Variants in KCNIP4 observed in about 807,000 individuals in gnomAD.
KCNIP4 encodes potassium voltage-gated channel interacting protein 4.
A neutral mutation model predicts 34.0 loss-of-function variants in KCNIP4; 12 were observed. The ratio of observed to expected loss-of-function variants is 0.35; its 90% CI spans 0.23 to 0.57. The LOEUF (loss-of-function observed/expected upper bound fraction) is 0.57, where lower values mean the gene tolerates loss of function less well. Among genes scored for constraint, KCNIP4 ranks in the 20% least tolerant of loss-of-function variants. The pLI, the probability that KCNIP4 is intolerant of heterozygous loss-of-function variation, is 0.83. For missense variants in KCNIP4, 238 were observed against 311.7 expected (o/e 0.76, Z 1.78); for synonymous variants, 124 against 102.2 (o/e 1.21, Z -1.29).
intron 1 of KCNIP4, among the ~76,000 whole-genome samples, chr4:21,556,252 A>G (rs1738996899): frequency 6.6e-6 from 1 of 152,116 alleles, no homozygotes; most frequent in South Asian, 2.1e-4. Context: ...CCATTTTTAA[A>G]TATGGTTCTG....
chr4:20,982,622 A>G (rs1736173676), intron 1 of KCNIP4, among the ~76,000 whole-genome samples: 1 of 152,248 alleles, frequency 6.6e-6, no homozygotes, highest in South Asian at 2.1e-4. Context: ...ATGTTCTTAT[A>G]TTGTCTAAAC....
chr4:21,774,529 G>A (rs1340421024), intron 1 of KCNIP4, among the ~76,000 whole-genome samples: 2 of 152,210 alleles, frequency 1.3e-5, no homozygotes, highest in African/African-American at 2.4e-5. Flanking sequence ...CCTGAAATGC[G>A]TTTTCCAGCT....
intron 5 of KCNIP4, among the ~76,000 whole-genome samples, chr4:20,742,862 C>T (rs541852992): frequency 5.9e-5 from 9 of 152,222 alleles, no homozygotes; most frequent in Admixed American, 1.3e-4. Context: ...GCAACTTAAG[C>T]GAAGTCTCAG....
At chr4:21,188,593 G>A (rs1755410074) in intron 1 of KCNIP4, among the ~76,000 whole-genome samples, 1 of 152,134 alleles carries the variant, frequency 6.6e-6, no homozygotes, top group African/African-American at 2.4e-5. Flanking sequence ...CATACGTTGT[G>A]TAAAAACTAC....
chr4:21,716,228 C>CT (rs566960899), intron 1 of KCNIP4, among the ~76,000 whole-genome samples: 3 of 152,052 alleles, frequency 2.0e-5, no homozygotes, highest in Admixed American at 6.6e-5. Context: ...ACATAATAGT[C>CT]TTTTTTTAAT....
At chr4:21,093,888 C>T (rs1747225581) in intron 1 of KCNIP4, among the ~76,000 whole-genome samples, 1 of 152,068 alleles carries the variant, frequency 6.6e-6, no homozygotes, top group African/African-American at 2.4e-5. Context: ...CGAGACCATC[C>T]TGACTAACAC....
chr4:21,323,144 G>GTATATATATATATATA (rs747961833), intron 1 of KCNIP4, among the ~76,000 whole-genome samples: 130 of 77,864 alleles, frequency 1.7e-3, no homozygotes, highest in Middle Eastern at 8.1e-3. Context: ...TCTTTTGTAA[G>GTATATATATATATATA]TATATATATA....
chr4:20,972,305 A>G (rs1323910719), intron 1 of KCNIP4, among the ~76,000 whole-genome samples: 1 of 152,234 alleles, frequency 6.6e-6, no homozygotes, highest in African/African-American at 2.4e-5. Flanking sequence ...GTCTAGATCT[A>G]TCACAGGAAT....
intron 3 of KCNIP4, among the ~76,000 whole-genome samples, chr4:20,759,479 A>G (rs994884796): frequency 5.3e-5 from 8 of 152,114 alleles, no homozygotes; most frequent in Admixed American, 1.3e-4. Flanking sequence ...CTGCAAAGAA[A>G]TGGCCTGGCC....
chr4:20,742,054 C>A (rs900549939), intron 5 of KCNIP4, among the ~76,000 whole-genome samples: 9 of 152,118 alleles, frequency 5.9e-5, no homozygotes, highest in Non-Finnish European at 1.0e-4. Context: ...CAATAACAGG[C>A]TCTGAAATTG....
chr4:20,996,714 C>T (rs186925483), intron 1 of KCNIP4, among the ~76,000 whole-genome samples: 37 of 152,188 alleles, frequency 2.4e-4, no homozygotes, highest in African/African-American at 8.7e-4. Flanking sequence ...GATCAAATTG[C>T]TGTTTTTTTA....
chr4:21,850,085 A>G (rs1327648709), intron 1 of KCNIP4: 1 of 152,102 alleles, frequency 6.6e-6, no homozygotes, highest in African/African-American at 2.4e-5. Context: ...TGAGATAAAC[A>G]GCAAAATCTA....
chr4:20,739,074 A>G (rs1192242535), intron 5 of KCNIP4, among the ~76,000 whole-genome samples: 2 of 152,218 alleles, frequency 1.3e-5, no homozygotes, highest in African/African-American at 4.8e-5. Context: ...TTGACTAGGT[A>G]AAGCAGCCAG....
intron 1 of KCNIP4, among the ~76,000 whole-genome samples, chr4:21,122,741 G>A (rs904411340): frequency 6.6e-6 from 1 of 152,048 alleles, no homozygotes; most frequent in Non-Finnish European, 1.5e-5. Flanking sequence ...GAGGACATAG[G>A]GCATACCCTC....
intron 1 of KCNIP4, among the ~76,000 whole-genome samples, chr4:21,007,760 T>A (rs1306319664): frequency 1.3e-5 from 2 of 152,182 alleles, no homozygotes; most frequent in African/African-American, 4.8e-5. Flanking sequence ...AAGCCCTGAT[T>A]TTGAACAGTC....
At chr4:21,025,924 C>G (rs935572770) in intron 1 of KCNIP4, among the ~76,000 whole-genome samples, 10 of 152,032 alleles carry the variant, frequency 6.6e-5, no homozygotes, top group African/African-American at 1.9e-4. Flanking sequence ...GTATGCCAGG[C>G]CTAGATTAGG....
At chr4:21,109,506 C>G (rs933417425) in intron 1 of KCNIP4, among the ~76,000 whole-genome samples, 2 of 151,808 alleles carry the variant, frequency 1.3e-5, no homozygotes, top group Non-Finnish European at 2.9e-5. Flanking sequence ...CCGTCTGTCA[C>G]CCCTTTCTTT....
chr4:21,810,686 T>C (rs1488500784), intron 1 of KCNIP4, among the ~76,000 whole-genome samples: 1 of 44,094 alleles, frequency 2.3e-5, no homozygotes, highest in Non-Finnish European at 3.8e-5. Flanking sequence ...CGAGACTCCG[T>C]CTCAAAAAAA....
At chr4:20,769,427 C>G (rs1187873302) in intron 3 of KCNIP4, among the ~76,000 whole-genome samples, 1 of 151,964 alleles carries the variant, frequency 6.6e-6, no homozygotes, top group Non-Finnish European at 1.5e-5. Flanking sequence ...AAGGATTTTC[C>G]CAACTTTATC....
Sources: allele counts gnomAD v4.1 joint callset (sites outside exome capture counted in the v4.1 genomes callset), GRCh38; gene constraint gnomAD v4.1.1; transcripts MANE v1.5; gene names NCBI Gene and HGNC (gene_info 2026-07-23, HGNC 2026-07-21).